Variants in UTP20 observed in about 807,000 individuals in gnomAD.
UTP20 encodes small subunit processome component 20 homolog.
Under a neutral mutation model 329.5 loss-of-function variants are expected in UTP20, and 164 were observed. The observed-to-expected ratio is 0.50, with a 90% confidence interval of 0.44 to 0.57. The LOEUF (loss-of-function observed/expected upper bound fraction) is 0.57, where lower values mean the gene tolerates loss of function less well. Ranked by LOEUF, UTP20 falls within the 20% of genes least tolerant of loss-of-function variation. UTP20 has a pLI of 0.00. For synonymous variants in UTP20, 1,151 were observed against 1,159.3 expected (o/e 0.99, Z 0.14); for missense variants, 3,055 against 3,284.2 (o/e 0.93, Z 1.71).
chr12:101,322,746 G>A (rs1223990557), intron 25 of UTP20, among the ~76,000 whole-genome samples: 1 of 152,132 alleles, frequency 6.6e-6, no homozygotes, highest in Non-Finnish European at 1.5e-5. Context: ...TCCATTTGTA[G>A]CCAGCATTAA....
intron 11 of UTP20, among the ~76,000 whole-genome samples, chr12:101,294,668 G>A (rs1872291146): frequency 6.6e-6 from 1 of 151,060 alleles, no homozygotes. Context: ...TCAGGCTCCT[G>A]AGTAGCTGGG....
intron 17 of UTP20, among the ~76,000 whole-genome samples, chr12:101,307,387 C>A (rs756592589): frequency 4.6e-5 from 7 of 151,534 alleles, no homozygotes; most frequent in African/African-American, 7.3e-5. Flanking sequence ...TACCTCATTT[C>A]TTTTCTTTTT....
intron 31 of UTP20, among the ~76,000 whole-genome samples, chr12:101,339,518 A>T (rs956498603): frequency 3.9e-5 from 6 of 152,138 alleles, no homozygotes; most frequent in Non-Finnish European, 7.4e-5. Flanking sequence ...ATTAAAGGGG[A>T]CAGATTTTTC....
At position 101,381,071 on chromosome 12, in the gene UTP20, G is replaced by GTTTA. The variant is rs1870630279; in HGVS notation, c.7585-68_7585-65dup. ...ACGTTAGTTGTATTACAGTTATTATGTTTAGCTTTTTAAAAACAATCAGAA... is the reference window on the plus strand; with the variant it reads ...ACGTTAGTTGTATTACAGTTATTATGTTTATTTAGCTTTTTAAAAACAATCAGAA... On this transcript the variant is annotated intron_variant, in intron 57 of 61. Coordinates refer to ENST00000261637, the MANE Select transcript of UTP20 (RefSeq NM_014503.3). The GTTTA allele has an allele frequency of 5.3e-5, 70 of 1,318,528 alleles. 2 individuals carry two copies. The South Asian group carries it at 7.5e-4, about 14-fold the overall frequency. The allele number at this position is 1,318,528 out of a possible 1,614,324, so 81.7% of individuals were successfully genotyped here.
chr12:101,281,296 C>T, intron 2 of UTP20, 100 bp downstream of exon 2: 1 of 1,025,486 alleles, frequency 9.8e-7, no homozygotes, highest in South Asian at 1.5e-5. Flanking sequence ...CCTTTTTGGA[C>T]ATGAAATGCT....
Position 101,302,258 on chromosome 12 carries a change from T to C in UTP20, c.1676-190T>C, listed in dbSNP as rs1872540036. On this transcript the variant is annotated intron_variant, in intron 14 of 61. Coordinates refer to ENST00000261637, the MANE Select transcript of UTP20 (RefSeq NM_014503.3). ...TATTTTTCTTAAGAAAGGTAAAATATAGGACTTGGAAACTTCTCTTTTCTG... is the reference window on the plus strand; with the variant it reads ...TATTTTTCTTAAGAAAGGTAAAATACAGGACTTGGAAACTTCTCTTTTCTG... Among the ~76,000 whole-genome samples, 5 of 152,208 alleles carry C rather than the reference T, an allele frequency of 3.3e-5. No individual in the cohort carries two copies. In the South Asian group the frequency reaches 1.0e-3, roughly 31 times the overall value.
At position 101,340,524 on chromosome 12, in the gene UTP20, A is replaced by T. The variant is rs1869086439; in HGVS notation, c.4015A>T (p.Ile1339Phe). The change falls in exon 32 of 62, where the codon ATC becomes TTC. Residue 1339 changes from isoleucine (I) to phenylalanine (F), a missense_variant and splice_region_variant. Ile to Phe is a conservative substitution (Grantham distance 21). Transcript: ENST00000261637. ...TATATCCGTTTTTTCCTTCTTTAGG[A>T]TCAGCAAGTTTATGAAAGACAAAGA... is the stretch of plus-strand genomic sequence containing the variant. ...VSKELGILSK[I>F]SKFMKDKEQS... The T allele has an allele frequency of 6.3e-7, 1 of 1,597,808 alleles. No individual in the cohort carries two copies. The highest frequency in any genetic ancestry group is 8.5e-7 in the Non-Finnish European group (1 of 1,170,378).
At chr12:101,366,094 T>A (rs1334305596) in intron 46 of UTP20, among the ~76,000 whole-genome samples, 2 of 152,164 alleles carry the variant, frequency 1.3e-5, no homozygotes, top group African/African-American at 2.4e-5. Context: ...TAGCCAGGCA[T>A]GGTGCTGGGC....
At position 101,288,875 on chromosome 12, in the gene UTP20, A is replaced by G. The variant is rs141372534; in HGVS notation, c.516-85A>G. 174 of 1,216,478 alleles carry G rather than the reference A, an allele frequency of 1.4e-4. No individual in the cohort carries two copies. In the East Asian group the frequency reaches 3.7e-3, roughly 26 times the overall value. The allele number at this position is 1,216,478 out of a possible 1,614,324, so 75.4% of individuals were successfully genotyped here. ...TGTGTATTCCTTGCATACCCAGCAC[A>G]TTGTTGCCCATATTGTTGACATGTA... On this transcript the variant is annotated intron_variant, in intron 5 of 61. Coordinates refer to ENST00000261637, the MANE Select transcript of UTP20 (RefSeq NM_014503.3).
Position 101,283,714 on chromosome 12 carries a change from A to G in UTP20, c.127-1856A>G, listed in dbSNP as rs567057379. On this transcript the variant is annotated intron_variant, in intron 2 of 61. Coordinates refer to ENST00000261637, the MANE Select transcript of UTP20 (RefSeq NM_014503.3). Reference sequence around the variant, plus strand: ...AAAACAACAACAAAAAAATTTTAATATTTTTACTTTTGAAAAATAGAGATA... The same window carrying G: ...AAAACAACAACAAAAAAATTTTAATGTTTTTACTTTTGAAAAATAGAGATA... Among the ~76,000 whole-genome samples, 21 of 152,300 alleles carry G rather than the reference A, an allele frequency of 1.4e-4. No homozygotes were observed. The South Asian group carries it at 4.4e-3, about 32-fold the overall frequency.
In UTP20 at chr12:101,355,080, G is replaced by A; in HGVS notation, c.5356G>A (p.Asp1786Asn). The change falls in exon 41 of 62, where the codon GAT becomes AAT. Residue 1786 changes from aspartate (D) to asparagine (N), a missense_variant. This residue lies in a region of UTP20 where 2,445 missense variants were observed against 2,575.5 expected (regional missense o/e 0.95). Transcript: ENST00000261637. ...AAATATCCAAGGAACCATAACCGGG[G>A]ATATTCTCCCCAGGCTACATAAATG... is the stretch of plus-strand genomic sequence containing the variant. The part of the protein sequence containing the change: ...IKNIQGTITG[D>N]ILPRLHKCLA... The A allele has an allele frequency of 6.2e-7, 1 of 1,614,114 alleles. No individual in the cohort carries two copies. Among genetic ancestry groups the A allele is most frequent in the Non-Finnish European group, 8.5e-7 (1 of 1,180,008 alleles).
intron 33 of UTP20, 83 bp downstream of exon 33, chr12:101,342,672 C>G (rs1869180335): frequency 2.6e-6 from 4 of 1,531,422 alleles, no homozygotes; most frequent in Non-Finnish European, 3.5e-6. Flanking sequence ...GGGCTTTCTT[C>G]ATGCCAGGGT....
chr12:101,358,012 G>A (rs1713938792), intron 43 of UTP20, among the ~76,000 whole-genome samples: 2 of 152,116 alleles, frequency 1.3e-5, no homozygotes, highest in African/African-American at 2.4e-5. Context: ...TGTTGGGGTG[G>A]GGGTGAAGAA....
chr12:101,305,614 TATA>T (rs1872625884), intron 15 of UTP20, among the ~76,000 whole-genome samples: 3 of 133,292 alleles, frequency 2.3e-5, no homozygotes, highest in African/African-American at 1.1e-4. Context: ...ATAAATATTA[TATA>T]TATATATATA....
At chr12:101,373,108 C>A in intron 52 of UTP20, 145 bp downstream of exon 52, 2 of 738,516 alleles carry the variant, frequency 2.7e-6, no homozygotes, top group Non-Finnish European at 4.5e-6. Context: ...ACTTGATAAT[C>A]AGACATTGTG....
rs141851766 is a variant in UTP20 at position 101,354,833 on chromosome 12, C to T, written c.5109C>T (p.Asn1703=). 19 of 1,611,368 alleles carry T rather than the reference C, an allele frequency of 1.2e-5. No individual in the cohort carries two copies. Among genetic ancestry groups the T allele is most frequent in the African/African-American group, 6.7e-5 (5 of 74,752 alleles). Residue 1703 remains asparagine, a splice_region_variant and synonymous_variant, in exon 41 of 62, where the codon AAC becomes AAT. Transcript: ENST00000261637. ...ACTTTTGTTGTTTATTAAACATAGA[C>T]GCAATTGAAGCAATTGAGTTACCAG... ...EQMGKIENEE[N]AIEAIELPEP...
intron 52 of UTP20, 146 bp from the exon 53 acceptor site, chr12:101,373,255 C>A: frequency 1.3e-6 from 1 of 755,612 alleles, no homozygotes; most frequent in Non-Finnish European, 2.2e-6. Flanking sequence ...TTAATGGATA[C>A]ATACAAGCAT....
chr12:101,311,932 AT>A, intron 20 of UTP20, 103 bp from the exon 21 acceptor site: 1 of 1,564,742 alleles, frequency 6.4e-7, no homozygotes, highest in South Asian at 1.2e-5. Flanking sequence ...TGGGAGTGAC[AT>A]TCTTTCCTTA....
intron 42 of UTP20, 112 bp from the exon 43 acceptor site, chr12:101,356,814 G>A (rs942435409): frequency 1.1e-5 from 16 of 1,476,750 alleles, no homozygotes; most frequent in East Asian, 2.4e-5. Context: ...CTGTGGTTTC[G>A]AATATTAACA....
Sources: gnomAD v4.1 joint callset for allele counts (sites outside exome capture counted in the v4.1 genomes callset) on GRCh38, gnomAD v4.1.1 for gene constraint, gnomAD v4.1.1 regional missense constraint, MANE v1.5 for transcripts, NCBI Gene and HGNC (gene_info 2026-07-23, HGNC 2026-07-21) for gene names.